The following AJAP1 variants were observed in gnomAD, a reference collection of about 807,000 sequenced individuals.
AJAP1 encodes the protein adherens junctions associated protein 1.
AJAP1 carries 5 observed loss-of-function variants against 35.0 expected under a neutral mutation model. That is an observed-to-expected ratio of 0.14 (90% CI 0.07 to 0.30). The LOEUF (loss-of-function observed/expected upper bound fraction) is 0.30, where lower values mean the gene tolerates loss of function less well. AJAP1 is among the 10% of genes least tolerant of loss of function. The pLI is 1.00. For missense variants in AJAP1, 586 were observed against 571.0 expected (o/e 1.03, Z -0.27); for synonymous variants, 284 against 249.3 (o/e 1.14, Z -1.31).
At chr1:4,705,829 A>G (rs1229935651) in intron 1 of AJAP1, among the ~76,000 whole-genome samples, 1 of 152,084 alleles carries the variant, frequency 6.6e-6, no homozygotes, top group Non-Finnish European at 1.5e-5. Flanking sequence ...ATTTGATGCC[A>G]CGTGGTATTC....
chr1:4,697,036 G>A (rs1245982542), intron 1 of AJAP1, among the ~76,000 whole-genome samples: 2 of 151,652 alleles, frequency 1.3e-5, no homozygotes, highest in African/African-American at 2.4e-5. Context: ...GTGTGTGTGT[G>A]CACCTGTGTT....
At chr1:4,727,460 T>C (rs952920875) in intron 2 of AJAP1, among the ~76,000 whole-genome samples, 3 of 152,232 alleles carry the variant, frequency 2.0e-5, no homozygotes, top group Non-Finnish European at 2.9e-5. Context: ...TCTCCAGTTA[T>C]GCTGCGCTGA....
chr1:4,741,394 C>T (rs527421379), intron 2 of AJAP1, among the ~76,000 whole-genome samples: 50 of 152,202 alleles, frequency 3.3e-4, no homozygotes, highest in African/African-American at 9.6e-4. Flanking sequence ...GAGCTGCTGG[C>T]GTCCCTTGAC....
chr1:4,666,120 GA>G (rs1639111584), intron 1 of AJAP1, among the ~76,000 whole-genome samples: 1 of 149,746 alleles, frequency 6.7e-6, no homozygotes, highest in African/African-American at 2.5e-5. Context: ...ACCCCGCAGT[GA>G]AATAGCCCAC....
intron 1 of AJAP1, among the ~76,000 whole-genome samples, chr1:4,662,038 C>A (rs1026772881): frequency 7.2e-6 from 1 of 138,484 alleles, no homozygotes; most frequent in Non-Finnish European, 1.5e-5. Flanking sequence ...AGGAATTGCC[C>A]TTTATATTTG....
At chr1:4,663,048 C>A (rs1001946563) in intron 1 of AJAP1, among the ~76,000 whole-genome samples, 1 of 152,170 alleles carries the variant, frequency 6.6e-6, no homozygotes, top group Non-Finnish European at 1.5e-5. Context: ...GTGCCTCCCC[C>A]TTCCCAGGGG....
At chr1:4,758,875 C>T (rs554393795) in intron 2 of AJAP1, among the ~76,000 whole-genome samples, 1 of 152,316 alleles carries the variant, frequency 6.6e-6, no homozygotes, top group East Asian at 1.9e-4. Flanking sequence ...GCTCTTCCCT[C>T]TACCCGAGAT....
chr1:4,756,080 T>A (rs1641424524), intron 2 of AJAP1, among the ~76,000 whole-genome samples: 1 of 152,126 alleles, frequency 6.6e-6, no homozygotes, highest in Non-Finnish European at 1.5e-5. Context: ...CAGACAAGCC[T>A]AGGAGAAGGT....
chr1:4,663,638 G>A (rs912636896), intron 1 of AJAP1, among the ~76,000 whole-genome samples: 2 of 152,154 alleles, frequency 1.3e-5, no homozygotes, highest in Non-Finnish European at 2.9e-5. Context: ...CATGAGTGTG[G>A]ATGAGGGTCT....
Position 4,782,913 on chromosome 1 carries a change from G to T in AJAP1, c.*428G>T, listed in dbSNP as rs1642092944. On this transcript the variant is annotated 3_prime_UTR_variant, in exon 6 of 6. Transcript: ENST00000378191. This position sits in a 1 kb window ranked among gnomAD's most constrained non-coding sequence, Gnocchi z 5.3. ...TATGTGCCATGTACTGACCCGAAAG[G>T]CTCGGCCGCAGAGCCGGGGCCCAGC... 5.0e-6 allele frequency: 2 copies of T among 398,382 alleles called. No homozygotes were observed. The highest frequency in any genetic ancestry group is 4.4e-5 in the Admixed American group (1 of 22,706). The allele number at this position is 398,382 out of a possible 1,614,324, so 24.7% of individuals were successfully genotyped here.
At chr1:4,749,934 G>A (rs974762701) in intron 2 of AJAP1, among the ~76,000 whole-genome samples, 1 of 152,160 alleles carries the variant, frequency 6.6e-6, no homozygotes, top group South Asian at 2.1e-4. Flanking sequence ...TAGTGTTTTT[G>A]TGTATGCATG....
chr1:4,767,367 TACCATCGTCACCATCACCACC>T, intron 2 of AJAP1, among the ~76,000 whole-genome samples: 1 of 151,318 alleles, frequency 6.6e-6, no homozygotes, highest in South Asian at 2.1e-4. Context: ...TCACCATTAT[TACCATCGTCACCATCACCACC>T]ACCATCATCA....
intron 2 of AJAP1, among the ~76,000 whole-genome samples, chr1:4,721,965 C>CTT (rs1640527181): frequency 6.6e-6 from 1 of 152,170 alleles, no homozygotes; most frequent in Admixed American, 6.5e-5. Context: ...GGGTCCGGTG[C>CTT]TTACGTGCAT....
At chr1:4,722,457 G>A (rs932022236) in intron 2 of AJAP1, among the ~76,000 whole-genome samples, 6 of 152,202 alleles carry the variant, frequency 3.9e-5, no homozygotes, top group East Asian at 1.9e-4. Context: ...CTGGAGCCTC[G>A]TCCTCTATGT....
Position 4,723,124 on chromosome 1 carries a change from G to T in AJAP1, c.829+10425G>T. On this transcript the variant is annotated intron_variant, in intron 2 of 5. Transcript: ENST00000378191. The surrounding 1 kb of genome is among the most constrained non-coding windows in gnomAD (Gnocchi z 4.3). ...AGCATCGGCTGGGGAGTAAGGGAGA[G>T]AACCATCTAGAGGGTCCCTGAGGTT... Among the ~76,000 whole-genome samples the T allele has an allele frequency of 6.6e-6, 1 of 152,156 alleles. No individual in the cohort carries two copies.
At chr1:4,727,547 C>T (rs1426360315) in intron 2 of AJAP1, among the ~76,000 whole-genome samples, 4 of 152,214 alleles carry the variant, frequency 2.6e-5, no homozygotes, top group African/African-American at 9.6e-5. Context: ...ATTCTCACCC[C>T]TGGGCAGCAG....
intron 2 of AJAP1, among the ~76,000 whole-genome samples, chr1:4,752,222 G>A (rs1200825518): frequency 1.3e-5 from 2 of 151,626 alleles, no homozygotes; most frequent in African/African-American, 2.4e-5. Context: ...AGGGACAGGG[G>A]GATGAGAAGA....
intron 2 of AJAP1, among the ~76,000 whole-genome samples, chr1:4,726,437 G>A (rs946188390): frequency 1.3e-5 from 2 of 152,202 alleles, no homozygotes; most frequent in Non-Finnish European, 2.9e-5. Context: ...AGCAGAGTCT[G>A]CTTCCAGGAG....
Position 4,656,021 on chromosome 1 carries a change from C to G in AJAP1, c.29+567C>G, listed in dbSNP as rs1475083642. 6.6e-6 allele frequency among the ~76,000 whole-genome samples: 1 copy of G among 152,042 alleles called. No homozygotes were observed. The highest frequency in any genetic ancestry group is 2.4e-5 in the African/African-American group (1 of 41,426). ...CGACCCAGCTGTTTGCGGGTGACCT[C>G]CGGGCCCGACGGGCGCTCACAGCTG... On this transcript the variant is annotated intron_variant, in intron 1 of 5. Coordinates refer to ENST00000378191, the MANE Select transcript of AJAP1 (RefSeq NM_018836.4). This position sits in a 1 kb window ranked among gnomAD's most constrained non-coding sequence, Gnocchi z 5.7.
Sources: allele counts gnomAD v4.1 joint callset (sites outside exome capture counted in the v4.1 genomes callset), GRCh38; gene constraint gnomAD v4.1.1; non-coding constraint Gnocchi (gnomAD v3.1); transcripts MANE v1.5; gene names NCBI Gene and HGNC (gene_info 2026-07-23, HGNC 2026-07-21).